The following ILDR2 variants were observed in gnomAD, a reference collection of about 807,000 sequenced individuals.
The protein encoded by ILDR2 is immunoglobulin-like domain-containing receptor 2.
In ILDR2, 25 loss-of-function variants were observed where a neutral mutation model predicts 66.8. The ratio of observed to expected loss-of-function variants is 0.37; its 90% CI spans 0.27 to 0.52. ILDR2 has a LOEUF of 0.52. Among genes scored for constraint, ILDR2 ranks in the 20% least tolerant of loss-of-function variants. The pLI, the probability that ILDR2 is intolerant of heterozygous loss-of-function variation, is 0.88. For missense variants in ILDR2, 827 were observed against 876.8 expected, an observed-to-expected ratio of 0.94 and a Z score of 0.72; for synonymous variants, 367 against 357.2, an observed-to-expected ratio of 1.03 and a Z score of -0.31.
intron 3 of ILDR2, chr1:166,943,816 G>T: frequency 1.0e-6 from 1 of 985,118 alleles, no homozygotes; most frequent in African/African-American, 1.7e-5. Context: ...TTCAGTTTAA[G>T]AGTGGCAATT....
At chr1:166,898,418 C>A (rs977057622) in intron 2 of ILDR2, among the ~76,000 whole-genome samples, 2 of 152,220 alleles carry the variant, frequency 1.3e-5, no homozygotes. Context: ...CAAAGCTATT[C>A]TTTTCTCTTT....
At chr1:166,943,430 T>C (rs1661429204) in intron 3 of ILDR2, among the ~76,000 whole-genome samples, 1 of 147,666 alleles carries the variant, frequency 6.8e-6, no homozygotes, top group African/African-American at 2.5e-5. Flanking sequence ...AGGCGGAGCT[T>C]GCAGTGAGCC....
Position 166,935,330 on chromosome 1 carries a change from G to C in ILDR2, c.851C>G (p.Pro284Arg). The C allele has an allele frequency of 1.2e-6, 2 of 1,614,148 alleles. No homozygotes were observed. The highest frequency in any genetic ancestry group is 1.7e-6 in the Non-Finnish European group (2 of 1,180,038). ...GTGGCTTCCTCCAGTGGAGTCACTT[G>C]GTGCCAAGGGAGGTGGATGCGGCTT... The part of the protein sequence containing the change: ...MDKPHPPPLA[P>R]SDSTGGSHSV... Residue 284 changes from proline to arginine, a missense_variant, in exon 6 of 10, where the codon CCA becomes CGA. Physicochemically the swap from Pro to Arg is moderately radical, Grantham distance 103. This residue lies in a region of ILDR2 where 437 missense variants were observed against 523.2 expected (regional missense o/e 0.84). Coordinates refer to ENST00000271417, the MANE Select transcript of ILDR2 (RefSeq NM_199351.3).
chr1:166,961,364 C>T (rs1399369793), intron 1 of ILDR2, among the ~76,000 whole-genome samples: 1 of 152,174 alleles, frequency 6.6e-6, no homozygotes, highest in Non-Finnish European at 1.5e-5. Context: ...ACTGGACTCT[C>T]TTAATCAATT....
In ILDR2 at chr1:166,922,768, C is replaced by T. The variant is rs141206348; in HGVS notation, c.1036G>A (p.Asp346Asn). 1.2e-5 allele frequency: 19 copies of T among 1,614,066 alleles called. No homozygotes were observed. The African/African-American group carries it at 2.1e-4, about 18-fold the overall frequency. Residue 346 changes from aspartate to asparagine, a missense_variant, in exon 8 of 10, where the codon GAC becomes AAC. Asp to Asn is a conservative substitution (Grantham distance 23, BLOSUM62 1). Coordinates refer to ENST00000271417, the MANE Select transcript of ILDR2 (RefSeq NM_199351.3). ...TGGAAAGACTGGCGGAAATTGCTGT[C>T]CTCCTCATGTAGGGAGCTGAGTTCT... ...ISELSSLHEE[D>N]SNFRQSFHQM...
At chr1:166,897,526 G>A (rs1439906040) in intron 2 of ILDR2, among the ~76,000 whole-genome samples, 1 of 152,214 alleles carries the variant, frequency 6.6e-6, no homozygotes, top group Admixed American at 6.5e-5. Flanking sequence ...AAAGTTTGGA[G>A]TTTTGAGCCA....
At chr1:166,899,522 G>C (rs987564108) in intron 2 of ILDR2, among the ~76,000 whole-genome samples, 13 of 152,216 alleles carry the variant, frequency 8.5e-5, no homozygotes, top group African/African-American at 2.9e-4. Context: ...TGTGTAAGCT[G>C]TAATTGAGTG....
At chr1:166,974,553 G>C (rs1023681480) in intron 1 of ILDR2, among the ~76,000 whole-genome samples, 3 of 152,096 alleles carry the variant, frequency 2.0e-5, no homozygotes, top group Non-Finnish European at 2.9e-5. Flanking sequence ...TTTAGGGAGC[G>C]GAGAGTGCAC....
Position 166,935,584 on chromosome 1 carries a change from A to T in ILDR2, c.704-107T>A. The T allele has an allele frequency of 4.2e-6, 4 of 956,906 alleles. No individual in the cohort carries two copies. The South Asian group carries it at 7.2e-5, about 17-fold the overall frequency. 59.3% of individuals were successfully genotyped at this position (956,906 alleles called of 1,614,324 possible). A position where few individuals can be genotyped will look rare whatever the true frequency, so the allele number is the denominator to read the frequency against. The stretch of plus-strand genomic sequence containing the variant: ...CTTCAGGGAGCTCCTGGATGTGTGT[A>T]TGTGCATGTGTGAGCGTTTGTTCTT... On this transcript the variant is annotated intron_variant, in intron 5 of 9. Transcript: ENST00000271417.
chr1:166,909,069 T>C lies in ILDR2; in HGVS notation c.*10286A>G, dbSNP rs998593341. On this transcript the variant is annotated 3_prime_UTR_variant, in exon 10 of 10. Transcript: ENST00000271417. The stretch of plus-strand genomic sequence containing the variant: ...TCTTCCTATCCCACTATCCAGTCCA[T>C]CGCAGTCTCACCTTCCTGGTCATAA... The C allele has an allele frequency of 6.6e-6, 1 of 152,246 alleles. No homozygotes were observed. Among genetic ancestry groups the C allele is most frequent in the Non-Finnish European group, 1.5e-5 (1 of 68,056 alleles). The allele number at this position is 152,246 out of a possible 1,614,324, so 9.4% of individuals were successfully genotyped here.
chr1:166,938,322 G>T (rs971416064), intron 4 of ILDR2, among the ~76,000 whole-genome samples: 2 of 152,226 alleles, frequency 1.3e-5, no homozygotes, highest in Middle Eastern at 3.2e-3. Flanking sequence ...AGAAACAAAA[G>T]AATATTATCT....
chr1:166,938,889 T>G (rs1661140263), intron 4 of ILDR2, among the ~76,000 whole-genome samples: 2 of 152,178 alleles, frequency 1.3e-5, no homozygotes, highest in Admixed American at 1.3e-4. Flanking sequence ...TTGTCTAGGT[T>G]GGTGGATTCA....
intron 1 of ILDR2, among the ~76,000 whole-genome samples, chr1:166,965,389 CAA>C (rs1322077782): frequency 1.3e-5 from 2 of 151,750 alleles, no homozygotes; most frequent in Admixed American, 6.6e-5. Context: ...GTATATGAAA[CAA>C]AGTTTGTGTA....
At chr1:166,951,948 C>T (rs1662007724) in intron 3 of ILDR2, among the ~76,000 whole-genome samples, 1 of 152,292 alleles carries the variant, frequency 6.6e-6, no homozygotes, top group Admixed American at 6.5e-5. Flanking sequence ...GGCCCATAGG[C>T]AGGGGTGTTC....
rs539796234 is a variant in ILDR2 at position 166,921,361 on chromosome 1, C to T, written c.1230G>A (p.Ser410=). The T allele has an allele frequency of 9.5e-6, 15 of 1,571,684 alleles. No homozygotes were observed. The highest frequency in any genetic ancestry group is 2.3e-5 in the South Asian group (2 of 87,094). ...CGAAGTTCTTCCGCGACAGCATCTC[C>T]GACTTGGAGCGCGGCTGGCTGCGGG... The part of the protein sequence containing the change: ...SFRHSQPRSK[S]EMLSRKNFAT... Residue 410 remains serine, a synonymous_variant, in exon 9 of 10, where the codon TCG becomes TCA. Coordinates refer to ENST00000271417, the MANE Select transcript of ILDR2 (RefSeq NM_199351.3). This position sits in a 1 kb window ranked among gnomAD's most constrained non-coding sequence, Gnocchi z 5.3.
chr1:166,973,771 G>A (rs964941932), intron 1 of ILDR2, among the ~76,000 whole-genome samples: 11 of 152,082 alleles, frequency 7.2e-5, no homozygotes, highest in African/African-American at 9.7e-5. Context: ...CCAGGGGAGC[G>A]GGGTGGCATG....
At chr1:166,928,507 A>C (rs773506241) in intron 6 of ILDR2, among the ~76,000 whole-genome samples, 4 of 152,204 alleles carry the variant, frequency 2.6e-5, no homozygotes, top group Non-Finnish European at 5.9e-5. Context: ...AGGACTTTTC[A>C]ATGGGATGTA....
intron 4 of ILDR2, among the ~76,000 whole-genome samples, chr1:166,937,278 C>T (rs1454821608): frequency 6.6e-6 from 1 of 152,270 alleles, no homozygotes; most frequent in East Asian, 1.9e-4. Context: ...ATGTATTCAC[C>T]TGCTTTCCCT....
At position 166,917,973 on chromosome 1, in the gene ILDR2, T is replaced by G. The variant is rs1166657641; in HGVS notation, c.*1382A>C. ...CACAAGAACTTTTCAAGTCTCTGCT[T>G]GTGTCACATTTGTTGGGCTACTGGC... On this transcript the variant is annotated 3_prime_UTR_variant, in exon 10 of 10. Coordinates refer to ENST00000271417, the MANE Select transcript of ILDR2 (RefSeq NM_199351.3). 6.6e-6 allele frequency: 1 copy of G among 152,182 alleles called. No homozygotes were observed. Among genetic ancestry groups the G allele is most frequent in the East Asian group, 1.9e-4 (1 of 5,194 alleles). The allele number at this position is 152,182 out of a possible 1,614,324, so 9.4% of individuals were successfully genotyped here.
Sources: gnomAD v4.1 joint callset for allele counts (sites outside exome capture counted in the v4.1 genomes callset) on GRCh38, gnomAD v4.1.1 for gene constraint, gnomAD v4.1.1 regional missense constraint, Gnocchi (gnomAD v3.1) non-coding constraint, MANE v1.5 for transcripts, NCBI Gene and HGNC (gene_info 2026-07-23, HGNC 2026-07-21) for gene names.